The following WNT10B variants were observed in gnomAD, a reference collection of about 807,000 sequenced individuals.
WNT10B encodes Wnt family member 10B.
WNT10B carries 26 observed loss-of-function variants against 32.7 expected under a neutral mutation model. The observed-to-expected ratio is 0.79, with a 90% CI of 0.58 to 1.10. The LOEUF (loss-of-function observed/expected upper bound fraction) is 1.10. Ranked by LOEUF, WNT10B falls within the 50% of genes least tolerant of loss-of-function variation. WNT10B has a pLI of 0.00. For missense variants in WNT10B, 474 were observed against 532.5 expected, an observed-to-expected ratio of 0.89 and a Z score of 1.08; for synonymous variants, 204 against 220.4, an observed-to-expected ratio of 0.93 and a Z score of 0.66.
rs978748407 is a variant in WNT10B, at chr12:48,970,107, T to C, written c.319A>G (p.Ser107Gly). The stretch of plus-strand genomic sequence containing the variant: ...GGCTCACCGCGCTTGAGGATGGCGC[T>C]GTGGTGCGGCAGGCGGCCGCCGCCC... ...LEGGGRLPHH[S>G]AILKRGFRES... Residue 107 changes from serine (S) to glycine (G), a missense_variant, in exon 3 of 5, where the codon AGC becomes GGC. Coordinates refer to ENST00000301061, the MANE Select transcript of WNT10B (RefSeq NM_003394.4). This position sits in a 1 kb window ranked among gnomAD's most constrained non-coding sequence, Gnocchi z 5.0. 7.8e-6 allele frequency: 12 copies of C among 1,529,510 alleles called. No individual in the cohort carries two copies. The Admixed American group carries it at 2.0e-4, about 25-fold the overall frequency. The allele number at this position is 1,529,510 out of a possible 1,614,324, so 94.7% of individuals were successfully genotyped here.
rs769618236 is a variant in WNT10B at position 48,970,059 on chromosome 12, G to T, written c.337+30C>A. 1.0e-5 allele frequency: 15 copies of T among 1,476,136 alleles called. No individual in the cohort carries two copies. Among genetic ancestry groups the T allele is most frequent in the Middle Eastern group, 2.4e-4 (1 of 4,124 alleles). 91.4% of individuals were successfully genotyped at this position (1,476,136 alleles called of 1,614,324 possible). On this transcript the variant is annotated intron_variant, in intron 3 of 4. Transcript: ENST00000301061. This position sits in a 1 kb window ranked among gnomAD's most constrained non-coding sequence, Gnocchi z 5.0. ...CTGCCGCCCACCCCCTAGCCTCCGC[G>T]GCAGCGCCGACCCGCCCAGCCAGGC...
chr12:48,967,299 G>A (rs2137611988), intron 4 of WNT10B, among the ~76,000 whole-genome samples: 1 of 152,178 alleles, frequency 6.6e-6, no homozygotes, highest in African/African-American at 2.4e-5. Context: ...CCCAGTAGCT[G>A]GGACTACAGG....
At chr12:48,966,758 G>A (rs751214889) in intron 4 of WNT10B, among the ~76,000 whole-genome samples, 1 of 152,206 alleles carries the variant, frequency 6.6e-6, no homozygotes, top group Non-Finnish European at 1.5e-5. Context: ...ACAGAGCAGT[G>A]TGATTTGTCC....
At chr12:48,966,584 A>T (rs1940739405) in intron 4 of WNT10B, 31 bp from the exon 5 acceptor site, 1 of 1,608,974 alleles carries the variant, frequency 6.2e-7, no homozygotes, top group African/African-American at 1.3e-5. Context: ...GAGGTGAAGC[A>T]GAGGGCAGCA....
chr12:48,967,880 A>G lies in WNT10B; in HGVS notation c.711+66T>C, dbSNP rs1173596051. 4 of 1,593,220 alleles carry G rather than the reference A, an allele frequency of 2.5e-6. No individual in the cohort carries two copies. In the African/African-American group the frequency reaches 4.1e-5, roughly 16 times the overall value. ...TCACACTTTATCCTATCATTTCCCTATGCCTCTCAAACTCTAACCAGGCCT... is the reference window on the plus strand; with the variant it reads ...TCACACTTTATCCTATCATTTCCCTGTGCCTCTCAAACTCTAACCAGGCCT... On this transcript the variant is annotated intron_variant, in intron 4 of 4. Transcript: ENST00000301061.
At position 48,966,283 on chromosome 12, in the gene WNT10B, C is replaced by G; in HGVS notation, c.982G>C (p.Gly328Arg). Residue 328 changes from glycine to arginine, a missense_variant, in exon 5 of 5, where the codon GGG (glycine) becomes CGG (arginine). Coordinates refer to ENST00000301061, the MANE Select transcript of WNT10B (RefSeq NM_003394.4). ...TTGTTGCAGGCCCGGCCCCTTGTCC[C>G]TGGGGAGCCCATAGTGGGGTCTCGC... ...CERDPTMGSP[G>R]TRGRACNKTS... is the part of the protein sequence containing the mutation. 3.1e-6 allele frequency: 5 copies of G among 1,614,228 alleles called. No individual in the cohort carries two copies. The highest frequency in any genetic ancestry group is 2.5e-6 in the Non-Finnish European group (3 of 1,180,032).
Position 48,970,117 on chromosome 12 carries a change from C to T in WNT10B, c.309G>A (p.Leu103=). 1 of 1,527,996 alleles carries T rather than the reference C, an allele frequency of 6.5e-7. No individual in the cohort carries two copies. The highest frequency in any genetic ancestry group is 8.8e-7 in the Non-Finnish European group (1 of 1,141,170). 94.7% of individuals were successfully genotyped at this position (1,527,996 alleles called of 1,614,324 possible). ...GCTTGAGGATGGCGCTGTGGTGCGG[C>T]AGGCGGCCGCCGCCCTCAAGCGCGG... ...NCSALEGGGR[L]PHHSAILKRG... The change falls in exon 3 of 5, where the codon CTG becomes CTA. Residue 103 remains leucine, a synonymous_variant. Coordinates refer to ENST00000301061, the MANE Select transcript of WNT10B (RefSeq NM_003394.4). The surrounding 1 kb of genome is among the most constrained non-coding windows in gnomAD (Gnocchi z 5.0).
intron 3 of WNT10B, chr12:48,969,027 A>T: frequency 2.1e-6 from 1 of 468,048 alleles, no homozygotes; most frequent in Non-Finnish European, 4.4e-6. Flanking sequence ...GCCCTCTTAA[A>T]AGGTTGGCTT....
rs1049972554 is a variant in WNT10B at position 48,965,918 on chromosome 12, G to T, written c.*177C>A. 1.4e-6 allele frequency: 1 copy of T among 706,976 alleles called. No homozygotes were observed. Among genetic ancestry groups the T allele is most frequent in the East Asian group, 2.7e-5 (1 of 36,878 alleles). 43.8% of individuals were successfully genotyped at this position (706,976 alleles called of 1,614,324 possible). A position where few individuals can be genotyped will look rare whatever the true frequency, so the allele number is the denominator to read the frequency against. On this transcript the variant is annotated 3_prime_UTR_variant, in exon 5 of 5. Transcript: ENST00000301061. ...CCCTCAAGACCCTCCAATTGTTGGG[G>T]AGAAGGCTACACATCCCAGAGTCCA... is the stretch of plus-strand genomic sequence containing the variant.
At chr12:48,969,650 AT>A (rs914807922) in intron 3 of WNT10B, among the ~76,000 whole-genome samples, 21 of 152,082 alleles carry the variant, frequency 1.4e-4, no homozygotes, top group Admixed American at 1.0e-3. Context: ...AGGGGAGCAG[AT>A]TTAACCCTTA....
chr12:48,967,648 C>T (rs1940763103), intron 4 of WNT10B, among the ~76,000 whole-genome samples: 1 of 152,102 alleles, frequency 6.6e-6, no homozygotes, highest in Non-Finnish European at 1.5e-5. Context: ...GATGGGGTCT[C>T]ACAACGTTGC....
intron 4 of WNT10B, among the ~76,000 whole-genome samples, chr12:48,967,056 T>C (rs1940749025): frequency 6.6e-6 from 1 of 152,184 alleles, no homozygotes; most frequent in African/African-American, 2.4e-5. Flanking sequence ...AGTGGTGCCA[T>C]CTCGGCTCAC....
intron 3 of WNT10B, among the ~76,000 whole-genome samples, chr12:48,969,296 A>G (rs1222421299): frequency 7.9e-5 from 12 of 151,908 alleles, no homozygotes; most frequent in Admixed American, 5.9e-4. Flanking sequence ...CCTAACTCCA[A>G]CCCTCCAGGG....
rs1253337086 is a variant in WNT10B at position 48,970,495 on chromosome 12, G to C, written c.35C>G (p.Ser12Trp). 1.2e-6 allele frequency: 2 copies of C among 1,608,038 alleles called. No individual in the cohort carries two copies. The highest frequency in any genetic ancestry group is 2.7e-5 in the African/African-American group (2 of 74,888). ...LEEPRPRPPP[S>W]GLAGLLFLAL... ...CAGGAACAGGAGACCCGCGAGGCCC[G>C]AGGGCGGAGGCCGCGGCCGGGGCTC... The change falls in exon 2 of 5, where the codon TCG (serine) becomes TGG (tryptophan). Residue 12 changes from serine (S) to tryptophan (W), a missense_variant. Physicochemically the swap from Ser to Trp is radical, Grantham distance 177. Coordinates refer to ENST00000301061, the MANE Select transcript of WNT10B (RefSeq NM_003394.4). The surrounding 1 kb of genome is among the most constrained non-coding windows in gnomAD (Gnocchi z 5.0).
In WNT10B at chr12:48,970,820, C is replaced by T. The variant is rs973149008; in HGVS notation, c.-40-251G>A. 1 of 549,146 alleles carries T rather than the reference C, an allele frequency of 1.8e-6. No individual in the cohort carries two copies. Among genetic ancestry groups the T allele is most frequent in the Admixed American group, 3.1e-5 (1 of 32,022 alleles). 34.0% of individuals were successfully genotyped at this position (549,146 alleles called of 1,614,324 possible). On this transcript the variant is annotated intron_variant, in intron 1 of 4. Coordinates refer to ENST00000301061, the MANE Select transcript of WNT10B (RefSeq NM_003394.4). The surrounding 1 kb of genome is among the most constrained non-coding windows in gnomAD (Gnocchi z 5.0). ...GAGCACCCCTGGAACCTTGCCCAAT[C>T]AGACACAACGCCCGGCACACAGACA...
Position 48,970,235 on chromosome 12 carries a change from C to T in WNT10B, c.191G>A (p.Arg64His), listed in dbSNP as rs140498074. Reference protein sequence around the residue: ...LSKRQLGLCLRNPDVTASALQ... With the variant: ...LSKRQLGLCLHNPDVTASALQ... Reference sequence around the variant, plus strand: ...CGCGGACGCCGTCACGTCGGGGTTGCGCAGGCACAGGCCTAGCTGCCGCTT... The same window carrying T: ...CGCGGACGCCGTCACGTCGGGGTTGTGCAGGCACAGGCCTAGCTGCCGCTT... Residue 64 changes from arginine to histidine, a missense_variant, in exon 3 of 5, where the codon CGC (arginine) becomes CAC (histidine). Arg to His is a conservative substitution (Grantham distance 29). Coordinates refer to ENST00000301061, the MANE Select transcript of WNT10B (RefSeq NM_003394.4). This position sits in a 1 kb window ranked among gnomAD's most constrained non-coding sequence, Gnocchi z 5.0. 2 of 1,608,448 alleles carry T rather than the reference C, an allele frequency of 1.2e-6. No individual in the cohort carries two copies. The highest frequency in any genetic ancestry group is 1.3e-5 in the African/African-American group (1 of 74,802).
At position 48,970,420 on chromosome 12, in the gene WNT10B, G is replaced by C. The variant is rs1216046060; in HGVS notation, c.74+36C>G. ...CCAACTCTCCCCACCCCGGGTCGGT[G>C]TTTCTATGGCCTGGGAGACAAGGGG... On this transcript the variant is annotated intron_variant, in intron 2 of 4. Transcript: ENST00000301061. The surrounding 1 kb of genome is among the most constrained non-coding windows in gnomAD (Gnocchi z 5.0). The C allele has an allele frequency of 6.2e-7, 1 of 1,613,818 alleles. No homozygotes were observed. Among genetic ancestry groups the C allele is most frequent in the East Asian group, 2.2e-5 (1 of 44,860 alleles).
At chr12:48,968,985 A>G (rs1213667899) in intron 3 of WNT10B, 1 of 442,952 alleles carries the variant, frequency 2.3e-6, no homozygotes, top group Non-Finnish European at 4.7e-6. Context: ...CACTGAGAGG[A>G]GGAGAGAGGT....
At chr12:48,971,234 C>CGTCT (rs1198631129) in intron 1 of WNT10B, among the ~76,000 whole-genome samples, 2 of 152,176 alleles carry the variant, frequency 1.3e-5, no homozygotes, top group African/African-American at 4.8e-5. Flanking sequence ...CATAGTCGCC[C>CGTCT]GTCTGGTCCT....
Sources: allele counts gnomAD v4.1 joint callset (sites outside exome capture counted in the v4.1 genomes callset), GRCh38; gene constraint gnomAD v4.1.1; non-coding constraint Gnocchi (gnomAD v3.1); transcripts MANE v1.5; gene names NCBI Gene and HGNC (gene_info 2026-07-23, HGNC 2026-07-21).